Variants in MTHFD2L observed in about 807,000 individuals in gnomAD.
MTHFD2L encodes bifunctional methylenetetrahydrofolate dehydrogenase/cyclohydrolase 2, mitochondrial.
A neutral mutation model predicts 34.9 loss-of-function variants in MTHFD2L; 29 were observed. The observed-to-expected ratio is 0.83, with a 90% CI of 0.62 to 1.13. The LOEUF (loss-of-function observed/expected upper bound fraction) is 1.13. MTHFD2L is among the 50% of genes most tolerant of loss of function. MTHFD2L has a pLI of 0.00. For missense variants in MTHFD2L, 481 were observed against 446.5 expected (o/e 1.08, Z -0.70); for synonymous variants, 167 against 155.7 (o/e 1.07, Z -0.54).
At chr4:74,130,107 C>T (rs953369351) in intron 1 of MTHFD2L, among the ~76,000 whole-genome samples, 1 of 152,044 alleles carries the variant, frequency 6.6e-6, no homozygotes, top group East Asian at 1.9e-4. Flanking sequence ...GCCTACCAAC[C>T]AAGAAAAGCC....
At chr4:74,157,716 T>C (rs958234670), upstream of MTHFD2L, 1 of 461,068 alleles carries the variant, frequency 2.2e-6, no homozygotes, top group East Asian at 6.8e-5. Flanking sequence ...TCTTTCCTGC[T>C]TTAAATCCAA....
chr4:74,139,591 T>C (rs1723157589), intron 1 of MTHFD2L, among the ~76,000 whole-genome samples: 1 of 152,212 alleles, frequency 6.6e-6, no homozygotes, highest in Middle Eastern at 3.4e-3. Context: ...ACAAACTTGG[T>C]TCCAGGCAGA....
intron 1 of MTHFD2L, among the ~76,000 whole-genome samples, chr4:74,143,137 A>AAAAC (rs752356926): frequency 6.6e-6 from 1 of 152,288 alleles, no homozygotes; most frequent in South Asian, 2.1e-4. Context: ...ATACAAAACA[A>AAAAC]AAACAAACAA....
intron 5 of MTHFD2L, among the ~76,000 whole-genome samples, chr4:74,214,397 G>A (rs557763625): frequency 7.9e-5 from 12 of 151,688 alleles, no homozygotes; most frequent in Non-Finnish European, 1.8e-4. Flanking sequence ...GGGTTTTTGT[G>A]TGGACGTCCT....
intron 2 of MTHFD2L, chr4:74,114,800 C>T (rs865870695): frequency 6.6e-6 from 1 of 152,220 alleles, no homozygotes. Flanking sequence ...ATGGGCAAAG[C>T]TGCAAAGAGC....
chr4:74,230,891 GT>G (rs1343914221), intron 6 of MTHFD2L, among the ~76,000 whole-genome samples: 1 of 152,086 alleles, frequency 6.6e-6, no homozygotes, highest in African/African-American at 2.4e-5. Context: ...GGATAGGCAA[GT>G]TTTTTTAGAC....
Position 74,225,290 on chromosome 4 carries a change from T to G in MTHFD2L, c.713-12T>G, listed in dbSNP as rs761522612. On this transcript the variant is annotated splice_polypyrimidine_tract_variant and intron_variant, in intron 5 of 7. Transcript: ENST00000325278. ...TTCAGTAATCACTGATAGAAATTCT[T>G]CTGTATTCCAGGTGATGCAACTGTG... 37 of 1,601,382 alleles carry G rather than the reference T, an allele frequency of 2.3e-5. No homozygotes were observed. Among genetic ancestry groups the G allele is most frequent in the Middle Eastern group, 1.7e-4 (1 of 5,998 alleles).
At chr4:74,136,057 A>G (rs1722903620) in intron 1 of MTHFD2L, among the ~76,000 whole-genome samples, 1 of 152,072 alleles carries the variant, frequency 6.6e-6, no homozygotes, top group Admixed American at 6.6e-5. Context: ...CCTTTCCTCT[A>G]AAGGCTAGAC....
intron 5 of MTHFD2L, among the ~76,000 whole-genome samples, chr4:74,214,319 G>C (rs531143432): frequency 1.3e-5 from 2 of 151,750 alleles, no homozygotes; most frequent in Non-Finnish European, 2.9e-5. Flanking sequence ...CAGCCTTTTT[G>C]TGCTGGTTTT....
chr4:74,218,148 G>A (rs1449998121), intron 5 of MTHFD2L, among the ~76,000 whole-genome samples: 1 of 151,222 alleles, frequency 6.6e-6, no homozygotes, highest in Non-Finnish European at 1.5e-5. Context: ...TTTTTTTTTA[G>A]TCATGATTTT....
intron 3 of MTHFD2L, among the ~76,000 whole-genome samples, chr4:74,199,004 A>G (rs1733953686): frequency 6.6e-6 from 1 of 152,138 alleles, no homozygotes; most frequent in Non-Finnish European, 1.5e-5. Flanking sequence ...GCATTATATA[A>G]TGGCCGAATA....
chr4:74,203,529 C>G (rs1490600932), intron 5 of MTHFD2L, among the ~76,000 whole-genome samples: 1 of 152,170 alleles, frequency 6.6e-6, no homozygotes, highest in Non-Finnish European at 1.5e-5. Context: ...GAGGCATCTC[C>G]TAGGCCTTTA....
At chr4:74,182,671 A>G (rs1038892215) in intron 3 of MTHFD2L, 2 of 152,124 alleles carry the variant, frequency 1.3e-5, no homozygotes, top group African/African-American at 4.8e-5. Context: ...AGACAATTTA[A>G]GTTCTCCAAA....
At chr4:74,127,137 C>T (rs1722140559) in intron 1 of MTHFD2L, among the ~76,000 whole-genome samples, 1 of 152,092 alleles carries the variant, frequency 6.6e-6, no homozygotes, top group Non-Finnish European at 1.5e-5. Flanking sequence ...GTCAATTATG[C>T]CTCTTTTCTT....
chr4:74,249,268 T>C (rs1742961620), intron 6 of MTHFD2L, among the ~76,000 whole-genome samples: 1 of 151,504 alleles, frequency 6.6e-6, no homozygotes, highest in Non-Finnish European at 1.5e-5. Flanking sequence ...TCTTTGTTGG[T>C]TTAAAGTCTG....
chr4:74,195,188 A>T (rs1040317138), intron 3 of MTHFD2L: 1 of 152,224 alleles, frequency 6.6e-6, no homozygotes, highest in South Asian at 2.1e-4. Flanking sequence ...GACGAGAGTA[A>T]CCAGTGATGG....
chr4:74,278,440 A>G (rs766172288), intron 6 of MTHFD2L, among the ~76,000 whole-genome samples: 1 of 152,104 alleles, frequency 6.6e-6, no homozygotes, highest in African/African-American at 2.4e-5. Context: ...GTCATTTGCA[A>G]TATGGGCTAT....
At chr4:74,292,423 T>A (rs1162387505) in intron 7 of MTHFD2L, among the ~76,000 whole-genome samples, 1 of 152,118 alleles carries the variant, frequency 6.6e-6, no homozygotes, top group Non-Finnish European at 1.5e-5. Context: ...AAAACACAAA[T>A]ACCTATGGAA....
At chr4:74,217,111 G>T (rs371113208) in intron 5 of MTHFD2L, among the ~76,000 whole-genome samples, 3 of 151,734 alleles carry the variant, frequency 2.0e-5, no homozygotes, top group African/African-American at 7.3e-5. Flanking sequence ...AGCCATATCT[G>T]CTTTCCTGGA....
Sources: allele counts gnomAD v4.1 joint callset (sites outside exome capture counted in the v4.1 genomes callset), GRCh38; gene constraint gnomAD v4.1.1; transcripts MANE v1.5; gene names NCBI Gene and HGNC (gene_info 2026-07-23, HGNC 2026-07-21).